Variants in PTPRN2 observed in about 807,000 individuals in gnomAD.
The protein encoded by PTPRN2 is receptor-type tyrosine-protein phosphatase N2.
Under a neutral mutation model 118.8 loss-of-function variants are expected in PTPRN2, and 74 were observed. The observed-to-expected ratio is 0.62, with a 90% confidence interval of 0.52 to 0.76. The LOEUF (loss-of-function observed/expected upper bound fraction) is 0.76. Ranked by LOEUF, PTPRN2 falls within the 30% of genes least tolerant of loss-of-function variation. The pLI, the probability that PTPRN2 is intolerant of heterozygous loss-of-function variation, is 0.00. For synonymous variants in PTPRN2, 641 were observed against 608.0 expected (o/e 1.05, Z -0.80); for missense variants, 1,481 against 1,394.4 (o/e 1.06, Z -0.99).
intron 12 of PTPRN2, among the ~76,000 whole-genome samples, chr7:157,884,122 C>T (rs1356759461): frequency 6.6e-6 from 1 of 151,788 alleles, no homozygotes; most frequent in Non-Finnish European, 1.5e-5. Context: ...CAGAACATGC[C>T]ACCCCAAAAT....
At chr7:158,181,184 T>A (rs1300856278) in intron 5 of PTPRN2, among the ~76,000 whole-genome samples, 1 of 152,202 alleles carries the variant, frequency 6.6e-6, no homozygotes, top group Non-Finnish European at 1.5e-5. Context: ...TTTTCCTGCA[T>A]CTATTGAGAT....
chr7:158,357,495 C>T (rs1417045609), intron 2 of PTPRN2, among the ~76,000 whole-genome samples: 1 of 152,212 alleles, frequency 6.6e-6, no homozygotes, highest in Non-Finnish European at 1.5e-5. Context: ...CGGACAAGGC[C>T]AGGGGCTGGC....
At chr7:158,347,114 ATTTG>A (rs1807570633) in intron 2 of PTPRN2, among the ~76,000 whole-genome samples, 1 of 152,164 alleles carries the variant, frequency 6.6e-6, no homozygotes, top group Non-Finnish European at 1.5e-5. Context: ...ATATAATCCC[ATTTG>A]TTTATTTTTG....
intron 11 of PTPRN2, among the ~76,000 whole-genome samples, chr7:158,072,263 C>T (rs947066634): frequency 2.0e-5 from 3 of 152,168 alleles, no homozygotes; most frequent in East Asian, 1.9e-4. Context: ...CCGATAAGTC[C>T]GAGGCCTGAT....
At chr7:157,799,851 C>T (rs1191330128) in intron 12 of PTPRN2, among the ~76,000 whole-genome samples, 2 of 133,316 alleles carry the variant, frequency 1.5e-5, no homozygotes, top group Non-Finnish European at 3.2e-5. Flanking sequence ...CTCAGAGGCA[C>T]CACAGCCGGC....
At chr7:158,059,831 C>T (rs1810171971) in intron 11 of PTPRN2, among the ~76,000 whole-genome samples, 2 of 129,492 alleles carry the variant, frequency 1.5e-5, no homozygotes, top group Admixed American at 7.5e-5. Flanking sequence ...ACTCCATCTG[C>T]ACACGGTGAG....
intron 2 of PTPRN2, among the ~76,000 whole-genome samples, chr7:158,478,982 A>G (rs1359537416): frequency 6.6e-6 from 1 of 152,088 alleles, no homozygotes; most frequent in African/African-American, 2.4e-5. Flanking sequence ...CACATCTAAC[A>G]ATACCCACAT....
intron 1 of PTPRN2, among the ~76,000 whole-genome samples, chr7:158,513,745 T>C (rs1823342605): frequency 6.6e-6 from 1 of 152,240 alleles, no homozygotes; most frequent in African/African-American, 2.4e-5. Context: ...GATGTAAATG[T>C]GGAAGATAGA....
At position 157,977,818 on chromosome 7, in the gene PTPRN2, G is replaced by A. The variant is rs1355085470; in HGVS notation, c.1724-79081C>T. On this transcript the variant is annotated intron_variant, in intron 11 of 22. Coordinates refer to ENST00000389418, the MANE Select transcript of PTPRN2 (RefSeq NM_002847.5). This position sits in a 1 kb window ranked among gnomAD's most constrained non-coding sequence, Gnocchi z 4.6. ...CTAAGAGCTCCCTGTTGCTGCTGCT[G>A]GGGGAGCAGGAAGGGGGATCACCCT... Among the ~76,000 whole-genome samples the A allele has an allele frequency of 4.6e-5, 7 of 151,782 alleles. No individual in the cohort carries two copies. Among genetic ancestry groups the A allele is most frequent in the Admixed American group, 1.3e-4 (2 of 15,242 alleles).
chr7:158,580,213 C>T (rs1209471697), intron 1 of PTPRN2, among the ~76,000 whole-genome samples: 1 of 152,254 alleles, frequency 6.6e-6, no homozygotes, highest in East Asian at 1.9e-4. Context: ...ATTGTGGGGT[C>T]AGCCTCAAAT....
intron 3 of PTPRN2, among the ~76,000 whole-genome samples, chr7:158,226,437 C>T (rs930836296): frequency 1.3e-5 from 2 of 152,116 alleles, no homozygotes; most frequent in African/African-American, 4.8e-5. Flanking sequence ...GTGGGGACGA[C>T]GTTTGTTTCT....
intron 12 of PTPRN2, among the ~76,000 whole-genome samples, chr7:157,771,148 C>T (rs1383835060): frequency 1.3e-5 from 2 of 152,246 alleles, no homozygotes; most frequent in African/African-American, 4.8e-5. Flanking sequence ...CTCCCAGCCA[C>T]AGCCCTGGCT....
chr7:158,078,639 C>A (rs1812562389), intron 11 of PTPRN2, among the ~76,000 whole-genome samples: 1 of 152,200 alleles, frequency 6.6e-6, no homozygotes, highest in South Asian at 2.1e-4. Flanking sequence ...ATGGGCCAGT[C>A]ACCGTGCTAA....
At chr7:158,252,462 G>C (rs903212317) in intron 3 of PTPRN2, among the ~76,000 whole-genome samples, 5 of 152,124 alleles carry the variant, frequency 3.3e-5, no homozygotes, top group Non-Finnish European at 7.3e-5. Context: ...TTAGTGTGTG[G>C]GTTGGTGAGC....
At chr7:158,320,661 A>C (rs117824468) in intron 2 of PTPRN2, among the ~76,000 whole-genome samples, 2,606 of 152,284 alleles carry the variant, frequency 0.017, 35 homozygotes, top group Admixed American at 0.026. Flanking sequence ...TCGGTATCTC[A>C]TGATTTTTTA....
chr7:158,039,699 A>G (rs1430853068), intron 11 of PTPRN2, among the ~76,000 whole-genome samples: 1 of 152,246 alleles, frequency 6.6e-6, no homozygotes, highest in African/African-American at 2.4e-5. Flanking sequence ...TCTTTTATCC[A>G]ATACAGCATA....
Position 157,560,491 on chromosome 7 carries a change from G to A in PTPRN2, c.2902+8411C>T, listed in dbSNP as rs1799131152. Among the ~76,000 whole-genome samples, 1 of 152,154 alleles carries A rather than the reference G, an allele frequency of 6.6e-6. No individual in the cohort carries two copies. Among genetic ancestry groups the A allele is most frequent in the Non-Finnish European group, 1.5e-5 (1 of 68,020 alleles). On this transcript the variant is annotated intron_variant, in intron 21 of 22. Coordinates refer to ENST00000389418, the MANE Select transcript of PTPRN2 (RefSeq NM_002847.5). The surrounding 1 kb of genome is among the most constrained non-coding windows in gnomAD (Gnocchi z 6.7). The stretch of plus-strand genomic sequence containing the variant: ...CCCCCGGACCACTGCTCCAACCAGC[G>A]TTCGTCGTCAGCCCCTTACACGGGA...
At chr7:158,179,446 T>A (rs1412958668) in intron 5 of PTPRN2, among the ~76,000 whole-genome samples, 1 of 152,232 alleles carries the variant, frequency 6.6e-6, no homozygotes, top group African/African-American at 2.4e-5. Context: ...TCCCATTCTG[T>A]GGGTTTTCTG....
intron 2 of PTPRN2, among the ~76,000 whole-genome samples, chr7:158,425,613 A>T (rs1815673736): frequency 8.4e-6 from 1 of 118,806 alleles, no homozygotes; most frequent in Non-Finnish European, 1.7e-5. Context: ...GGAAAGACCC[A>T]GAGTCCGAGT....
Sources: allele counts gnomAD v4.1 joint callset (sites outside exome capture counted in the v4.1 genomes callset), GRCh38; gene constraint gnomAD v4.1.1; non-coding constraint Gnocchi (gnomAD v3.1); transcripts MANE v1.5; gene names NCBI Gene and HGNC (gene_info 2026-07-23, HGNC 2026-07-21).